The following ARMC1 variants were observed in gnomAD, a reference collection of about 807,000 sequenced individuals.
ARMC1 encodes armadillo repeat-containing protein 1.
In ARMC1, 16 loss-of-function variants were observed where a neutral mutation model predicts 31.4. The observed-to-expected ratio is 0.51, with a 90% CI of 0.34 to 0.77. ARMC1 has a LOEUF of 0.77. Ranked by LOEUF, ARMC1 falls within the 30% of genes least tolerant of loss-of-function variation. The pLI, the probability that ARMC1 is intolerant of heterozygous loss-of-function variation, is 0.01. For synonymous variants in ARMC1, 114 were observed against 118.9 expected, an observed-to-expected ratio of 0.96 and a Z score of 0.27; for missense variants, 259 against 347.5, an observed-to-expected ratio of 0.75 and a Z score of 2.02.
At chr8:65,606,398 G>A (rs1363261016) in intron 4 of ARMC1, among the ~76,000 whole-genome samples, 1 of 151,180 alleles carries the variant, frequency 6.6e-6, no homozygotes, top group Admixed American at 6.6e-5. Flanking sequence ...AAAGTTTTAT[G>A]ATCCACACAC....
intron 3 of ARMC1, among the ~76,000 whole-genome samples, chr8:65,622,029 C>T (rs576688772): frequency 2.0e-5 from 3 of 152,232 alleles, no homozygotes; most frequent in Admixed American, 6.5e-5. Context: ...CCTCCACCTC[C>T]GGGGTTCCAG....
chr8:65,627,489 T>C, intron 1 of ARMC1, 56 bp from the exon 2 acceptor site: 1 of 995,156 alleles, frequency 1.0e-6, no homozygotes, highest in Non-Finnish European at 1.4e-6. Flanking sequence ...TTATAGCACT[T>C]GTGAAATAAC....
intron 3 of ARMC1, among the ~76,000 whole-genome samples, chr8:65,618,813 G>A (rs1449182459): frequency 1.3e-5 from 2 of 151,734 alleles, no homozygotes; most frequent in Non-Finnish European, 2.9e-5. Flanking sequence ...GGAGGCCGAG[G>A]TGAGCGGATC....
intron 6 of ARMC1, 98 bp downstream of exon 6, chr8:65,605,165 T>C (rs1455734276): frequency 7.2e-6 from 7 of 967,012 alleles, no homozygotes; most frequent in East Asian, 2.5e-5. Context: ...CATCCTTACA[T>C]ACTTGGCACT....
chr8:65,633,949 G>C (rs1808709044), intron 1 of ARMC1, 49 bp downstream of exon 1: 1 of 152,410 alleles, frequency 6.6e-6, no homozygotes, highest in Non-Finnish European at 1.5e-5. Context: ...CGCTTCCCGC[G>C]GCCTTCCCGG....
At chr8:65,623,002 C>CA (rs1808426006) in intron 2 of ARMC1, among the ~76,000 whole-genome samples, 1 of 135,962 alleles carries the variant, frequency 7.4e-6, no homozygotes, top group African/African-American at 2.8e-5. Context: ...GACTCCATCT[C>CA]AAAAAAAATT....
intron 1 of ARMC1, among the ~76,000 whole-genome samples, chr8:65,632,228 T>C (rs532872766): frequency 7.9e-5 from 12 of 152,024 alleles, no homozygotes; most frequent in Non-Finnish European, 1.8e-4. Context: ...CTCTTGAGCC[T>C]AGAAGTTCAA....
chr8:65,605,565 G>T, intron 4 of ARMC1, 27 bp from the exon 5 acceptor site: 1 of 1,475,084 alleles, frequency 6.8e-7, no homozygotes, highest in Non-Finnish European at 9.5e-7. Context: ...AAATTGTTAT[G>T]AAAATAGGTA....
At chr8:65,622,204 T>C in intron 3 of ARMC1, 59 bp downstream of exon 3, 1 of 1,391,838 alleles carries the variant, frequency 7.2e-7, no homozygotes, top group Non-Finnish European at 1.0e-6. Flanking sequence ...AGTGAGGCCC[T>C]GTAAGTAAGT....
intron 1 of ARMC1, among the ~76,000 whole-genome samples, chr8:65,628,391 A>ATTTTTTTTTTTTTTTT (rs763494218): frequency 5.1e-5 from 4 of 78,810 alleles, no homozygotes; most frequent in Non-Finnish European, 9.4e-5. Flanking sequence ...CGCCCGGCTA[A>ATTTTTTTTTTTTTTTT]TTTTTTTTTT....
chr8:65,614,126 A>G (rs531933818), intron 3 of ARMC1, among the ~76,000 whole-genome samples: 2 of 152,260 alleles, frequency 1.3e-5, no homozygotes, highest in Non-Finnish European at 2.9e-5. Context: ...AGGAGAAACC[A>G]AATTTGAAAA....
At chr8:65,630,035 C>A (rs1032095957) in intron 1 of ARMC1, among the ~76,000 whole-genome samples, 3 of 151,608 alleles carry the variant, frequency 2.0e-5, no homozygotes, top group African/African-American at 7.3e-5. Context: ...ATCCCAGCTA[C>A]TTGGGAGGCT....
At chr8:65,625,726 A>C (rs1157104720) in intron 2 of ARMC1, among the ~76,000 whole-genome samples, 1 of 152,018 alleles carries the variant, frequency 6.6e-6, no homozygotes, top group African/African-American at 2.4e-5. Flanking sequence ...TTTGACTGCT[A>C]AACTTCATTC....
At chr8:65,622,506 C>G in intron 2 of ARMC1, 152 bp from the exon 3 acceptor site, 1 of 618,870 alleles carries the variant, frequency 1.6e-6, no homozygotes, top group Non-Finnish European at 2.8e-6. Context: ...GAATTATTCC[C>G]TAGGGAAGAA....
At chr8:65,610,135 T>A (rs985662166) in intron 4 of ARMC1, among the ~76,000 whole-genome samples, 1 of 151,988 alleles carries the variant, frequency 6.6e-6, no homozygotes, top group African/African-American at 2.4e-5. Context: ...TCTCGCCCTG[T>A]CGCCCAGGCT....
rs576873817 is a variant in ARMC1, at chr8:65,620,949, T to G, written c.275+1314A>C. Among the ~76,000 whole-genome samples, 134 of 152,092 alleles carry G rather than the reference T, an allele frequency of 8.8e-4. 1 individual carries two copies. In the South Asian group the frequency reaches 0.027, roughly 30 times the overall value. ...ATGTCTCTACAAAATAATTTAAAAA[T>G]TAGCCAGGTATAATGGCACATGTCT... is the stretch of plus-strand genomic sequence containing the variant. On this transcript the variant is annotated intron_variant, in intron 3 of 6. Coordinates refer to ENST00000276569, the MANE Select transcript of ARMC1 (RefSeq NM_018120.6).
chr8:65,615,390 G>A (rs1370337586), intron 3 of ARMC1, among the ~76,000 whole-genome samples: 8 of 123,764 alleles, frequency 6.5e-5, no homozygotes, highest in African/African-American at 1.6e-4. Flanking sequence ...AGAAACTTAC[G>A]AACTTAAGTT....
intron 2 of ARMC1, among the ~76,000 whole-genome samples, chr8:65,623,106 G>C (rs1047504410): frequency 2.7e-5 from 4 of 148,732 alleles, no homozygotes; most frequent in Non-Finnish European, 5.9e-5. Context: ...TCAGGGGTTC[G>C]AGACCAGCCT....
At chr8:65,605,636 T>A in intron 4 of ARMC1, 98 bp from the exon 5 acceptor site, 1 of 837,290 alleles carries the variant, frequency 1.2e-6, no homozygotes, top group Non-Finnish European at 2.0e-6. Flanking sequence ...AGAGAGCAAA[T>A]GACCTATTTC....
Sources: allele counts gnomAD v4.1 joint callset (sites outside exome capture counted in the v4.1 genomes callset), GRCh38; gene constraint gnomAD v4.1.1; transcripts MANE v1.5; gene names NCBI Gene and HGNC (gene_info 2026-07-23, HGNC 2026-07-21).